STKLD1: variants seen among roughly 807,000 people sequenced by gnomAD.
STKLD1 encodes serine/threonine kinase-like domain-containing protein STKLD1.
In STKLD1, 79 loss-of-function variants were observed where a neutral mutation model predicts 80.4. The ratio of observed to expected loss-of-function variants is 0.98; its 90% CI spans 0.82 to 1.19. STKLD1 has a LOEUF of 1.19. STKLD1 is among the 50% of genes most tolerant of loss of function. The pLI, the probability that STKLD1 is intolerant of heterozygous loss-of-function variation, is 0.00. For synonymous variants in STKLD1, 393 were observed against 357.6 expected (o/e 1.10, Z -1.12); for missense variants, 841 against 856.0 (o/e 0.98, Z 0.22).
At position 133,389,686 on chromosome 9, in the gene STKLD1, G is replaced by A; in HGVS notation, c.467+90G>A. Reference sequence around the variant, plus strand: ...CTCGGGTGCCAGTGCCCGTGGGCAGGATCTGGGGAGAAAGGTGCACCGGGC... The same window carrying A: ...CTCGGGTGCCAGTGCCCGTGGGCAGAATCTGGGGAGAAAGGTGCACCGGGC... On this transcript the variant is annotated intron_variant, in intron 6 of 17. Transcript: ENST00000371957. This position sits in a 1 kb window ranked among gnomAD's most constrained non-coding sequence, Gnocchi z 6.4. 3 of 1,570,198 alleles carry A rather than the reference G, an allele frequency of 1.9e-6. No homozygotes were observed. Among genetic ancestry groups the A allele is most frequent in the Non-Finnish European group, 2.6e-6 (3 of 1,155,886 alleles).
rs2130275393 is a variant in STKLD1 at position 133,385,723 on chromosome 9, C to T, written c.294+32C>T. The T allele has an allele frequency of 1.9e-5, 30 of 1,601,750 alleles. No individual in the cohort carries two copies. Among genetic ancestry groups the T allele is most frequent in the Middle Eastern group, 1.6e-4 (1 of 6,066 alleles). Reference sequence around the variant, plus strand: ...CAGAGCTGACACCTACGGGCTCAGCCGCCACGCAGTGGGCTGCAGGACCAA... The same window carrying T: ...CAGAGCTGACACCTACGGGCTCAGCTGCCACGCAGTGGGCTGCAGGACCAA... On this transcript the variant is annotated intron_variant, in intron 4 of 17. Coordinates refer to ENST00000371957, the MANE Select transcript of STKLD1 (RefSeq NM_153710.5). The surrounding 1 kb of genome is among the most constrained non-coding windows in gnomAD (Gnocchi z 4.9).
At position 133,390,995 on chromosome 9, in the gene STKLD1, G is replaced by T. The variant is rs1026256613; in HGVS notation, c.583+199G>T. On this transcript the variant is annotated intron_variant, in intron 7 of 17. Transcript: ENST00000371957. The surrounding 1 kb of genome is among the most constrained non-coding windows in gnomAD (Gnocchi z 5.1). ...GAGCAGGCGTGCCACCACCAGGGCA[G>T]AGGCAGGGCCCCACAGACACCCAAC... Among the ~76,000 whole-genome samples the T allele has an allele frequency of 6.6e-6, 1 of 152,152 alleles. No individual in the cohort carries two copies. The highest frequency in any genetic ancestry group is 1.5e-5 in the Non-Finnish European group (1 of 68,022).
At chr9:133,395,487 G>A in intron 8 of STKLD1, 113 bp from the exon 9 acceptor site, 2 of 1,181,750 alleles carry the variant, frequency 1.7e-6, no homozygotes. Context: ...GCCACACCTG[G>A]CTCTCCCTGG....
At position 133,389,034 on chromosome 9, in the gene STKLD1, G is replaced by A. The variant is rs1838325571; in HGVS notation, c.397-492G>A. 1.1e-5 allele frequency: 11 copies of A among 985,384 alleles called. No individual in the cohort carries two copies. Among genetic ancestry groups the A allele is most frequent in the Non-Finnish European group, 1.3e-5 (11 of 829,906 alleles). 61.0% of individuals were successfully genotyped at this position (985,384 alleles called of 1,614,324 possible). On this transcript the variant is annotated intron_variant, in intron 5 of 17. Transcript: ENST00000371957. This position sits in a 1 kb window ranked among gnomAD's most constrained non-coding sequence, Gnocchi z 6.4. ...GGCCCTGAATCCAGGGGCCCTAGGA[G>A]CCCAGCTTTAGAATCACCGCGCTGG...
Position 133,376,567 on chromosome 9 carries a change from A to T in STKLD1, c.87+7A>T, listed in dbSNP as rs2130249575. 1.3e-6 allele frequency: 2 copies of T among 1,589,136 alleles called. No homozygotes were observed. The highest frequency in any genetic ancestry group is 1.4e-5 in the African/African-American group (1 of 73,826). ...GCCCATGGAGAAGTACCAGGTGCCG[A>T]GTGTTCCCTGCGGGGAGGCGGGAGC... On this transcript the variant is annotated splice_region_variant and intron_variant, in intron 1 of 17. Transcript: ENST00000371957.
At chr9:133,388,106 T>C (rs1176615022) in intron 5 of STKLD1, among the ~76,000 whole-genome samples, 7 of 152,214 alleles carry the variant, frequency 4.6e-5, no homozygotes, top group Non-Finnish European at 7.3e-5. Context: ...AGTGGAATTA[T>C]TGGGTCGTAG....
intron 16 of STKLD1, among the ~76,000 whole-genome samples, chr9:133,404,328 C>T (rs769134851): frequency 3.9e-5 from 6 of 152,172 alleles, no homozygotes; most frequent in African/African-American, 1.4e-4. Context: ...GCAGGCACAC[C>T]GTGACTGATC....
rs1206128892 is a variant in STKLD1 at position 133,404,770 on chromosome 9, A to C, written c.1733-19A>C. On this transcript the variant is annotated intron_variant, in intron 16 of 17. Transcript: ENST00000371957. ...TCAGGGGAAAGCAGGGAATGAACCCACTCCCACCCATCCCCCAGAGCTGGC... is the reference window on the plus strand; with the variant it reads ...TCAGGGGAAAGCAGGGAATGAACCCCCTCCCACCCATCCCCCAGAGCTGGC... 6.2e-7 allele frequency: 1 copy of C among 1,610,212 alleles called. No individual in the cohort carries two copies. Among genetic ancestry groups the C allele is most frequent in the Non-Finnish European group, 8.5e-7 (1 of 1,179,140 alleles).
intron 7 of STKLD1, among the ~76,000 whole-genome samples, chr9:133,391,156 C>T (rs976256957): frequency 6.6e-6 from 1 of 150,770 alleles, no homozygotes; most frequent in African/African-American, 2.4e-5. Flanking sequence ...CAGCCCCCCG[C>T]CCGGCCAGCC....
intron 8 of STKLD1, among the ~76,000 whole-genome samples, chr9:133,395,062 G>A (rs1554776514): frequency 1.3e-5 from 2 of 152,156 alleles, no homozygotes; most frequent in African/African-American, 4.8e-5. Flanking sequence ...AAACAAGGAA[G>A]CTCCCCTTCT....
intron 9 of STKLD1, among the ~76,000 whole-genome samples, chr9:133,396,258 C>A (rs1554776728): frequency 6.6e-6 from 1 of 152,080 alleles, no homozygotes; most frequent in African/African-American, 2.4e-5. Flanking sequence ...CATGGCGAAA[C>A]CCCTGTCTCT....
chr9:133,392,104 T>G, intron 7 of STKLD1, among the ~76,000 whole-genome samples: 1 of 133,506 alleles, frequency 7.5e-6, no homozygotes. Flanking sequence ...TGAGGCGGAG[T>G]CTCGCTCTGT....
At chr9:133,377,412 C>T (rs1838008134) in intron 1 of STKLD1, among the ~76,000 whole-genome samples, 1 of 152,198 alleles carries the variant, frequency 6.6e-6, no homozygotes, top group African/African-American at 2.4e-5. Context: ...CGCCTGTAAT[C>T]CCCAACACTT....
chr9:133,406,005 A>C lies in STKLD1; in HGVS notation c.*584A>C, dbSNP rs1838854191. ...CTCTATAGACCTCGCCCCTGGACAG[A>C]GCAGTCCTTCCAGACCATTCTAGAT... is the stretch of plus-strand genomic sequence containing the variant. On this transcript the variant is annotated 3_prime_UTR_variant, in exon 18 of 18. Coordinates refer to ENST00000371957, the MANE Select transcript of STKLD1 (RefSeq NM_153710.5). 1 of 152,372 alleles carries C rather than the reference A, an allele frequency of 6.6e-6. No individual in the cohort carries two copies. Among genetic ancestry groups the C allele is most frequent in the South Asian group, 2.1e-4 (1 of 4,844 alleles). 9.4% of individuals were successfully genotyped at this position (152,372 alleles called of 1,614,324 possible). A position where few individuals can be genotyped will look rare whatever the true frequency, so the allele number is the denominator to read the frequency against.
intron 7 of STKLD1, among the ~76,000 whole-genome samples, chr9:133,392,220 G>A (rs920301843): frequency 1.3e-5 from 2 of 152,076 alleles, no homozygotes; most frequent in Admixed American, 6.6e-5. Context: ...GGGACTACAG[G>A]CGCCTGCCAC....
intron 11 of STKLD1, among the ~76,000 whole-genome samples, chr9:133,399,878 CAA>C (rs781902375): frequency 0.04 from 5,316 of 133,896 alleles, 177 homozygotes; most frequent in African/African-American, 0.082. Flanking sequence ...GACTCTGTTT[CAA>C]AAAAAAAAAA....
At chr9:133,393,135 GTGGA>G (rs1280171789) in intron 7 of STKLD1, among the ~76,000 whole-genome samples, 2 of 135,750 alleles carry the variant, frequency 1.5e-5, no homozygotes, top group Non-Finnish European at 3.2e-5. Flanking sequence ...GGATGGGTGG[GTGGA>G]TGAATGAGTG....
At chr9:133,383,304 T>A (rs1188352736) in intron 2 of STKLD1, among the ~76,000 whole-genome samples, 33 of 504 alleles carry the variant, frequency 0.065, 2 homozygotes, top group Non-Finnish European at 0.083. Flanking sequence ...GTGATGGTGG[T>A]AATGGTGGTG....
In STKLD1 at chr9:133,394,385, C is replaced by T; in HGVS notation, c.678C>T (p.Asp226=). The T allele has an allele frequency of 1.2e-6, 2 of 1,613,570 alleles. No homozygotes were observed. Among genetic ancestry groups the T allele is most frequent in the Non-Finnish European group, 8.5e-7 (1 of 1,179,670 alleles). The change falls in exon 8 of 18, where the codon GAC becomes GAT. Residue 226 remains aspartate (D), a synonymous_variant. Coordinates refer to ENST00000371957, the MANE Select transcript of STKLD1 (RefSeq NM_153710.5). This position sits in a 1 kb window ranked among gnomAD's most constrained non-coding sequence, Gnocchi z 4.9. ...GGTCCCTGGGCTGCATCATTCTGGA[C>T]ATGACCAGCTGCTCCTTCATGGATG... ...DIWSLGCIIL[D]MTSCSFMDGT...
Sources: gnomAD v4.1 joint callset for allele counts (sites outside exome capture counted in the v4.1 genomes callset) on GRCh38, gnomAD v4.1.1 for gene constraint, Gnocchi (gnomAD v3.1) non-coding constraint, MANE v1.5 for transcripts, NCBI Gene and HGNC (gene_info 2026-07-23, HGNC 2026-07-21) for gene names.